OR2L2: variants seen among roughly 807,000 people sequenced by gnomAD.
OR2L2 encodes the protein olfactory receptor 2L2.
For missense variants in OR2L2, 378 were observed against 375.2 expected, an observed-to-expected ratio of 1.01 and a Z score of -0.06; for synonymous variants, 156 against 135.4, an observed-to-expected ratio of 1.15 and a Z score of -1.06.
chr1:248,034,628 C>T lies in OR2L2; in HGVS notation c.-96-922C>T, dbSNP rs981512160. On this transcript the variant is annotated intron_variant, in intron 1 of 2. Coordinates refer to ENST00000641771, the MANE Select transcript of OR2L2 (RefSeq NM_001385855.1). ...AAATACAGAATGTATTTCCATTTATCTGTGTCTTCTTTGATTGTTCTAATC... is the reference window on the plus strand; with the variant it reads ...AAATACAGAATGTATTTCCATTTATTTGTGTCTTCTTTGATTGTTCTAATC... Among the ~76,000 whole-genome samples the T allele has an allele frequency of 5.9e-5, 9 of 152,220 alleles. No individual in the cohort carries two copies. The South Asian group carries it at 1.9e-3, about 32-fold the overall frequency.
chr1:248,037,903 G>A (rs1662809490), intron 2 of OR2L2, among the ~76,000 whole-genome samples: 1 of 152,178 alleles, frequency 6.6e-6, no homozygotes, highest in South Asian at 2.1e-4. Context: ...ATGTCATCAT[G>A]TAGACATTTT....
chr1:248,037,919 C>T (rs1662809795), intron 2 of OR2L2, among the ~76,000 whole-genome samples: 1 of 152,136 alleles, frequency 6.6e-6, no homozygotes, highest in Non-Finnish European at 1.5e-5. Context: ...ATTTTGATTT[C>T]CCATGAAGCA....
At chr1:248,031,037 A>T (rs1012282973) in intron 1 of OR2L2, among the ~76,000 whole-genome samples, 3 of 152,238 alleles carry the variant, frequency 2.0e-5, no homozygotes, top group Non-Finnish European at 2.9e-5. Flanking sequence ...GCAAGTAGAA[A>T]TGTTTTTAAA....
At chr1:248,038,134 T>C (rs1662816388) in intron 2 of OR2L2, 113 bp from the exon 3 acceptor site, 4 of 631,284 alleles carry the variant, frequency 6.3e-6, no homozygotes, top group South Asian at 6.1e-5. Flanking sequence ...AAATAGTTTA[T>C]ATAGGGTTCA....
At chr1:248,034,294 C>T (rs1483509437) in intron 1 of OR2L2, among the ~76,000 whole-genome samples, 3 of 152,032 alleles carry the variant, frequency 2.0e-5, no homozygotes, top group Non-Finnish European at 4.4e-5. Flanking sequence ...TCTTCACAGA[C>T]AATTCTCAAA....
rs1057189300 is a variant in OR2L2, at chr1:248,041,507, T to C, written c.*2301T>C. The C allele has an allele frequency of 1.3e-5, 2 of 152,022 alleles. No homozygotes were observed. The highest frequency in any genetic ancestry group is 2.4e-5 in the African/African-American group (1 of 41,324). The allele number at this position is 152,022 out of a possible 1,614,324, so 9.4% of individuals were successfully genotyped here. ...TGGCAACAAAAGCCAAAATTGACAATTGAGATCTAATTAAACTAAAGAGCT... is the reference window on the plus strand; with the variant it reads ...TGGCAACAAAAGCCAAAATTGACAACTGAGATCTAATTAAACTAAAGAGCT... On this transcript the variant is annotated 3_prime_UTR_variant, in exon 3 of 3. Transcript: ENST00000641771.
intron 1 of OR2L2, among the ~76,000 whole-genome samples, chr1:248,031,976 A>T (rs1572685368): frequency 6.6e-6 from 1 of 152,278 alleles, no homozygotes; most frequent in South Asian, 2.1e-4. Context: ...ACTGCCCTAT[A>T]TAAAATACAA....
At position 248,038,573 on chromosome 1, in the gene OR2L2, C is replaced by T; in HGVS notation, c.306C>T (p.Phe102=). 1 of 1,614,172 alleles carries T rather than the reference C, an allele frequency of 6.2e-7. No homozygotes were observed. Among genetic ancestry groups the T allele is most frequent in the Non-Finnish European group, 8.5e-7 (1 of 1,180,022 alleles). ...SFTGCGIQSF[F]FLTLAVAEGL... The stretch of plus-strand genomic sequence containing the variant: ...CTGGATGTGGGATTCAGAGTTTCTT[C>T]TTCTTGACTTTAGCAGTTGCAGAAG... Residue 102 remains phenylalanine, a synonymous_variant, in exon 3 of 3, where the codon TTC becomes TTT. Transcript: ENST00000641771.
chr1:248,033,798 T>C (rs1662684844), intron 1 of OR2L2, among the ~76,000 whole-genome samples: 2 of 152,250 alleles, frequency 1.3e-5, no homozygotes, highest in South Asian at 2.1e-4. Flanking sequence ...CATACTGTTT[T>C]GATTTCTGTA....
In OR2L2 at chr1:248,042,177, A is replaced by C. The variant is rs561402014; in HGVS notation, c.*2971A>C. Reference sequence around the variant, plus strand: ...ACACCATGGAATACTATGCAGCCATAAAAGATGATGAGTTCATGTCCTTTG... The same window carrying C: ...ACACCATGGAATACTATGCAGCCATCAAAGATGATGAGTTCATGTCCTTTG... On this transcript the variant is annotated 3_prime_UTR_variant, in exon 3 of 3. Coordinates refer to ENST00000641771, the MANE Select transcript of OR2L2 (RefSeq NM_001385855.1). 37 of 152,266 alleles carry C rather than the reference A, an allele frequency of 2.4e-4. No homozygotes were observed. Among genetic ancestry groups the C allele is most frequent in the African/African-American group, 8.9e-4 (37 of 41,540 alleles). 9.4% of individuals were successfully genotyped at this position (152,266 alleles called of 1,614,324 possible).
chr1:248,032,292 T>G (rs1662638697), intron 1 of OR2L2, among the ~76,000 whole-genome samples: 1 of 152,158 alleles, frequency 6.6e-6, no homozygotes, highest in Admixed American at 6.5e-5. Flanking sequence ...TTTAAATGTT[T>G]TTATTATTTT....
Position 248,038,452 on chromosome 1 carries a change from T to A in OR2L2, c.185T>A (p.Leu62His). 1.2e-6 allele frequency: 2 copies of A among 1,613,880 alleles called. No individual in the cohort carries two copies. The highest frequency in any genetic ancestry group is 1.7e-6 in the Non-Finnish European group (2 of 1,179,766). The change falls in exon 3 of 3, where the codon CTT becomes CAT. Residue 62 changes from leucine (L) to histidine (H), a missense_variant. Coordinates refer to ENST00000641771, the MANE Select transcript of OR2L2 (RefSeq NM_001385855.1). ...IHLHTPMYFL[L>H]SQLSLIDLNY... is the part of the protein sequence containing the mutation. ...CTCCACACACCTATGTATTTCCTACTTAGTCAGCTCTCCCTCATTGACCTA... is the reference window on the plus strand; with the variant it reads ...CTCCACACACCTATGTATTTCCTACATAGTCAGCTCTCCCTCATTGACCTA...
rs1420289584 is a variant in OR2L2 at position 248,040,414 on chromosome 1, T to C, written c.*1208T>C. The C allele has an allele frequency of 6.6e-6, 1 of 152,164 alleles. No homozygotes were observed. Among genetic ancestry groups the C allele is most frequent in the South Asian group, 2.1e-4 (1 of 4,826 alleles). 9.4% of individuals were successfully genotyped at this position (152,164 alleles called of 1,614,324 possible). A position where few individuals can be genotyped will look rare whatever the true frequency, so the allele number is the denominator to read the frequency against. On this transcript the variant is annotated 3_prime_UTR_variant, in exon 3 of 3. Coordinates refer to ENST00000641771, the MANE Select transcript of OR2L2 (RefSeq NM_001385855.1). ...CAGTGGTGAATGACTGAATGGTCCTTGAGCAACACAGATTTGAACTGTGCA... is the reference window on the plus strand; with the variant it reads ...CAGTGGTGAATGACTGAATGGTCCTCGAGCAACACAGATTTGAACTGTGCA...
At chr1:248,038,183 T>C (rs1662818413) in intron 2 of OR2L2, 64 bp from the exon 3 acceptor site, 1 of 965,746 alleles carries the variant, frequency 1.0e-6, no homozygotes, top group South Asian at 1.6e-5. Context: ...GGGAGTCTTG[T>C]AATGCAGCCA....
rs947528979 is a variant in OR2L2 at position 248,040,773 on chromosome 1, G to T, written c.*1567G>T. On this transcript the variant is annotated 3_prime_UTR_variant, in exon 3 of 3. Coordinates refer to ENST00000641771, the MANE Select transcript of OR2L2 (RefSeq NM_001385855.1). ...GTAGTTAGGTTTTGGGGAGTTCAAA[G>T]TTAAATGCATATTCTACTGCTTGGC... is the stretch of plus-strand genomic sequence containing the variant. 1 of 152,158 alleles carries T rather than the reference G, an allele frequency of 6.6e-6. No homozygotes were observed. The highest frequency in any genetic ancestry group is 1.5e-5 in the Non-Finnish European group (1 of 68,012). 9.4% of individuals were successfully genotyped at this position (152,158 alleles called of 1,614,324 possible).
chr1:248,033,137 G>A (rs917422591), intron 1 of OR2L2, among the ~76,000 whole-genome samples: 2 of 152,036 alleles, frequency 1.3e-5, no homozygotes, highest in Non-Finnish European at 1.5e-5. Context: ...ATCATAAATC[G>A]AGAAGCCTCT....
chr1:248,031,158 G>C (rs1439873300), intron 1 of OR2L2, among the ~76,000 whole-genome samples: 1 of 152,142 alleles, frequency 6.6e-6, no homozygotes, highest in Non-Finnish European at 1.5e-5. Context: ...TACTGAAACA[G>C]ATGTATAATA....
Position 248,038,311 on chromosome 1 carries a change from G to T in OR2L2, c.44G>T (p.Gly15Val). The T allele has an allele frequency of 1.2e-6, 2 of 1,613,176 alleles. No individual in the cohort carries two copies. The highest frequency in any genetic ancestry group is 1.3e-5 in the African/African-American group (1 of 74,972). ...NQTSTDFILL[G>V]LFPQSRIGLF... ...ACATCAACTGATTTCATCTTATTGG[G>T]GCTGTTCCCACAATCAAGAATTGGC... is the stretch of plus-strand genomic sequence containing the variant. The change falls in exon 3 of 3, where the codon GGG becomes GTG. Residue 15 changes from glycine to valine, a missense_variant. Transcript: ENST00000641771.
Position 248,038,773 on chromosome 1 carries a change from A to C in OR2L2, c.506A>C (p.Lys169Thr). 6.2e-7 allele frequency: 1 copy of C among 1,614,158 alleles called. No individual in the cohort carries two copies. The highest frequency in any genetic ancestry group is 1.1e-5 in the South Asian group (1 of 91,082). Reference protein sequence around the residue: ...TVYALCIPYCKSRAINHFFCD... With the variant: ...TVYALCIPYCTSRAINHFFCD... ...TATGCACTCTGTATCCCATATTGCA[A>C]GTCCAGAGCCATCAATCATTTTTTC... is the stretch of plus-strand genomic sequence containing the variant. The change falls in exon 3 of 3, where the codon AAG becomes ACG. Residue 169 changes from lysine to threonine, a missense_variant. Coordinates refer to ENST00000641771, the MANE Select transcript of OR2L2 (RefSeq NM_001385855.1).
Sources: gnomAD v4.1 joint callset for allele counts (sites outside exome capture counted in the v4.1 genomes callset) on GRCh38, gnomAD v4.1.1 for gene constraint, MANE v1.5 for transcripts, NCBI Gene and HGNC (gene_info 2026-07-23, HGNC 2026-07-21) for gene names.